The following MEIOB variants were observed in gnomAD, a reference collection of about 807,000 sequenced individuals.
MEIOB encodes meiosis-specific with OB domain-containing protein.
Under a neutral mutation model 53.1 loss-of-function variants are expected in MEIOB, and 50 were observed. The observed-to-expected ratio is 0.94, with a 90% CI of 0.75 to 1.19. MEIOB has a LOEUF of 1.19. Ranked by LOEUF, MEIOB falls within the 50% of genes most tolerant of loss-of-function variation. The probability of loss-of-function intolerance (pLI) is 0.00; values close to 1 mark genes in which losing one functional copy is unlikely to be tolerated. For synonymous variants in MEIOB, 192 were observed against 182.5 expected (o/e 1.05, Z -0.42); for missense variants, 551 against 550.8 (o/e 1.00, Z 0.00).
chr16:1,867,696 T>A (rs1596987268), intron 2 of MEIOB, among the ~76,000 whole-genome samples: 1 of 152,076 alleles, frequency 6.6e-6, no homozygotes, highest in African/African-American at 2.4e-5. Flanking sequence ...GGTCTCAAAC[T>A]CCCAACCTCA....
intron 5 of MEIOB, among the ~76,000 whole-genome samples, chr16:1,859,408 G>T (rs536618453): frequency 6.6e-6 from 1 of 152,260 alleles, no homozygotes; most frequent in South Asian, 2.1e-4. Flanking sequence ...TGGGTGTGGG[G>T]CGTGTGCCTG....
chr16:1,851,791 T>C (rs2974850), intron 9 of MEIOB, among the ~76,000 whole-genome samples: 3 of 152,238 alleles, frequency 2.0e-5, no homozygotes, highest in Non-Finnish European at 4.4e-5. Flanking sequence ...TGCTGATGCT[T>C]TGTTACAGAC....
At chr16:1,841,053 C>T (rs1385057326) in intron 11 of MEIOB, 1 of 115,290 alleles carries the variant, frequency 8.7e-6, no homozygotes, top group Non-Finnish European at 1.6e-5. Flanking sequence ...TTTCACTCTT[C>T]TCGCCCAGGC....
At chr16:1,865,529 G>A (rs1249956982) in intron 3 of MEIOB, among the ~76,000 whole-genome samples, 4 of 5,092 alleles carry the variant, frequency 7.9e-4, no homozygotes, top group East Asian at 5.9e-3. Flanking sequence ...ATACACACGT[G>A]TGTGTATACA....
At chr16:1,850,877 C>T (rs192042337) in intron 9 of MEIOB, among the ~76,000 whole-genome samples, 20 of 149,518 alleles carry the variant, frequency 1.3e-4, no homozygotes, top group South Asian at 1.1e-3. Flanking sequence ...GCCGAGATCA[C>T]GCCACTGCAC....
chr16:1,851,737 T>C (rs1277626197), intron 9 of MEIOB, among the ~76,000 whole-genome samples: 1 of 152,180 alleles, frequency 6.6e-6, no homozygotes, highest in Non-Finnish European at 1.5e-5. Flanking sequence ...AAAATGCTGA[T>C]AATGGTTTGG....
Position 1,841,866 on chromosome 16 carries a change from T to G in MEIOB, c.988A>C (p.Thr330Pro), listed in dbSNP as rs746099516. Residue 330 changes from threonine to proline, a missense_variant, in exon 11 of 14, where the codon ACA becomes CCA. Transcript: ENST00000325962. ...SYGILYAYIS[T>P]LNIDDETTKV... is the part of the protein sequence containing the mutation. ...GTAGTTTCATCATCAATGTTGAGTG[T>G]GGAAATGTAGGCATAAAGGATGCCA... is the stretch of plus-strand genomic sequence containing the variant. 4.4e-6 allele frequency: 7 copies of G among 1,605,446 alleles called. No individual in the cohort carries two copies. In the South Asian group the frequency reaches 6.8e-5, roughly 16 times the overall value.
At chr16:1,846,370 T>C (rs938836063) in intron 9 of MEIOB, among the ~76,000 whole-genome samples, 1 of 152,114 alleles carries the variant, frequency 6.6e-6, no homozygotes, top group East Asian at 1.9e-4. Context: ...GCAGGAATTG[T>C]GCCCTCCCTA....
chr16:1,865,419 G>A (rs1483357452), intron 3 of MEIOB, among the ~76,000 whole-genome samples: 8 of 120,414 alleles, frequency 6.6e-5, no homozygotes, highest in Admixed American at 2.8e-4. Context: ...GTGACAGAGC[G>A]AGCCTCCATC....
At position 1,834,088 on chromosome 16, in the gene MEIOB, G is replaced by A; in HGVS notation, c.*168C>T. ...CCTTCTAAGAAGGGAGGTCAGATGA[G>A]AGAGGCCTTCAGACTCACCCAGACC... On this transcript the variant is annotated 3_prime_UTR_variant, in exon 14 of 14. Coordinates refer to ENST00000325962, the MANE Select transcript of MEIOB (RefSeq NM_001163560.3). The A allele has an allele frequency of 1.9e-6, 1 of 515,620 alleles. No individual in the cohort carries two copies. The highest frequency in any genetic ancestry group is 3.4e-6 in the Non-Finnish European group (1 of 291,920). The allele number at this position is 515,620 out of a possible 1,614,324, so 31.9% of individuals were successfully genotyped here.
At chr16:1,843,557 G>T (rs1448044464) in intron 10 of MEIOB, 1 of 151,842 alleles carries the variant, frequency 6.6e-6, no homozygotes, top group Non-Finnish European at 1.5e-5. Flanking sequence ...AATTAGCTGG[G>T]TGTAGCAGTG....
chr16:1,844,970 T>C lies in MEIOB; in HGVS notation c.779-7A>G, dbSNP rs1325193837. The C allele has an allele frequency of 1.6e-6, 2 of 1,281,722 alleles. No individual in the cohort carries two copies. Among genetic ancestry groups the C allele is most frequent in the Middle Eastern group, 2.0e-4 (1 of 5,054 alleles). 79.4% of individuals were successfully genotyped at this position (1,281,722 alleles called of 1,614,324 possible). A position where few individuals can be genotyped will look rare whatever the true frequency, so the allele number is the denominator to read the frequency against. On this transcript the variant is annotated splice_region_variant and splice_polypyrimidine_tract_variant and intron_variant, in intron 9 of 13. Coordinates refer to ENST00000325962, the MANE Select transcript of MEIOB (RefSeq NM_001163560.3). The stretch of plus-strand genomic sequence containing the variant: ...ATGTTAGCTTCTGGTATATCTTAAA[T>C]TGAAAATGCATAATAAGTAAAAAGC...
At chr16:1,853,628 G>T (rs900568737) in intron 7 of MEIOB, among the ~76,000 whole-genome samples, 11 of 152,176 alleles carry the variant, frequency 7.2e-5, no homozygotes, top group African/African-American at 2.7e-4. Context: ...AACTGCTCAG[G>T]GGCCTTGATG....
rs1898833706 is a variant in MEIOB at position 1,839,263 on chromosome 16, C to G, written c.1210G>C (p.Gly404Arg). 1 of 1,605,202 alleles carries G rather than the reference C, an allele frequency of 6.2e-7. No homozygotes were observed. The highest frequency in any genetic ancestry group is 8.5e-7 in the Non-Finnish European group (1 of 1,176,440). ...LTGSVAEETL[G>R]CTVHEFLAMT... ...TCCTTTTTGCTATTTACCGTGCAGC[C>G]CAAAGTCTCCTCAGCAACACTTCCT... Residue 404 changes from glycine to arginine, a missense_variant, in exon 12 of 14, where the codon GGC becomes CGC. By Grantham distance (125) the Gly-to-Arg change is moderately radical. Coordinates refer to ENST00000325962, the MANE Select transcript of MEIOB (RefSeq NM_001163560.3).
Position 1,837,828 on chromosome 16 carries a change from A to G in MEIOB, c.1261T>C (p.Leu421=). The G allele has an allele frequency of 6.5e-7, 1 of 1,541,798 alleles. No individual in the cohort carries two copies. Among genetic ancestry groups the G allele is most frequent in the Non-Finnish European group, 8.8e-7 (1 of 1,142,528 alleles). Residue 421 remains leucine (L), a synonymous_variant, in exon 13 of 14, where the codon TTA becomes CTA. Transcript: ENST00000325962. ...LAMTDEQKTA[L]KWQFLLERSK... is the part of the protein sequence containing the mutation. The stretch of plus-strand genomic sequence containing the variant: ...CTTTCCAAGAGAAATTGCCACTTTA[A>G]TGCTGTTTTCTGTTCATCTGTCATT...
chr16:1,867,768 G>A (rs1899632383), intron 2 of MEIOB, among the ~76,000 whole-genome samples: 1 of 151,904 alleles, frequency 6.6e-6, no homozygotes, highest in South Asian at 2.1e-4. Flanking sequence ...CACTGTGCCT[G>A]GCCTGGTTTA....
Position 1,838,080 on chromosome 16 carries a change from T to C in MEIOB, c.1219-210A>G, listed in dbSNP as rs1009444008. ...AGTGCTATCACAGCTCACTGCAGCC[T>C]CGAACTCCCGGGGTCAAGCAATCCT... On this transcript the variant is annotated intron_variant, in intron 12 of 13. Transcript: ENST00000325962. 5.6e-6 allele frequency: 5 copies of C among 895,514 alleles called. No individual in the cohort carries two copies. The African/African-American group carries it at 6.8e-5, about 12-fold the overall frequency. 55.5% of individuals were successfully genotyped at this position (895,514 alleles called of 1,614,324 possible).
At position 1,834,291 on chromosome 16, in the gene MEIOB, C is replaced by A; in HGVS notation, c.1381G>T (p.Ala461Ser). Residue 461 changes from alanine to serine, a missense_variant, in exon 14 of 14, where the codon GCA becomes TCA. By Grantham distance (99) the Ala-to-Ser change is moderately conservative. Coordinates refer to ENST00000325962, the MANE Select transcript of MEIOB (RefSeq NM_001163560.3). ...TTTTGTCCAGACAAGTTTCTGCTTGCCTCAGTAGGATCTGCAAGCTTGCAC... is the reference window on the plus strand; with the variant it reads ...TTTTGTCCAGACAAGTTTCTGCTTGACTCAGTAGGATCTGCAAGCTTGCAC... ...LSCKLADPTE[A>S]SRNLSGQKHV 1 of 1,612,358 alleles carries A rather than the reference C, an allele frequency of 6.2e-7. No individual in the cohort carries two copies. The highest frequency in any genetic ancestry group is 8.5e-7 in the Non-Finnish European group (1 of 1,178,618).
intron 9 of MEIOB, among the ~76,000 whole-genome samples, chr16:1,848,547 T>TTTTC (rs1899080124): frequency 1.4e-5 from 2 of 146,360 alleles, no homozygotes; most frequent in African/African-American, 5.0e-5. Context: ...TTTTTTCCTT[T>TTTTC]TTTTTTTTTT....
Sources: allele counts gnomAD v4.1 joint callset (sites outside exome capture counted in the v4.1 genomes callset), GRCh38; gene constraint gnomAD v4.1.1; transcripts MANE v1.5; gene names NCBI Gene and HGNC (gene_info 2026-07-23, HGNC 2026-07-21).